SPMAP2L: variants seen among roughly 807,000 people sequenced by gnomAD.
The protein encoded by SPMAP2L is sperm microtubule associated protein 2-like.
chr4:56,583,498 C>T, the SPMAP2L span, among the ~76,000 whole-genome samples: 1 of 151,984 alleles, frequency 6.6e-6, no homozygotes, highest in Non-Finnish European at 1.5e-5. Context: ...AAACAAAACC[C>T]AAACTAATAG....
At chr4:56,613,569 G>A in the SPMAP2L span, among the ~76,000 whole-genome samples, 1 of 152,188 alleles carries the variant, frequency 6.6e-6, no homozygotes, top group Non-Finnish European at 1.5e-5. Context: ...ACCTCAACTA[G>A]CAAACCTCTT....
chr4:56,617,224 G>A, the SPMAP2L span, among the ~76,000 whole-genome samples: 31 of 152,206 alleles, frequency 2.0e-4, no homozygotes, highest in African/African-American at 7.0e-4. Flanking sequence ...TTACTGTACT[G>A]GATACTGTAG....
chr4:56,602,572 G>A, the SPMAP2L span, among the ~76,000 whole-genome samples: 50 of 152,266 alleles, frequency 3.3e-4, no homozygotes, highest in African/African-American at 1.2e-3. Flanking sequence ...GTGCACGTCT[G>A]TAGTCCCAGC....
chr4:56,594,297 C>T, the SPMAP2L span: 9 of 1,544,886 alleles, frequency 5.8e-6, no homozygotes, highest in Non-Finnish European at 8.1e-6. Context: ...AAAGACATTT[C>T]CCTTGTTCAC....
chr4:56,593,927 C>T, the SPMAP2L span: 46 of 1,607,878 alleles, frequency 2.9e-5, no homozygotes, highest in Admixed American at 3.2e-4. Flanking sequence ...AGGTCTCAAG[C>T]GAGCAGGGCA....
the SPMAP2L span, among the ~76,000 whole-genome samples, chr4:56,625,675 G>C: frequency 6.6e-6 from 1 of 152,158 alleles, no homozygotes; most frequent in Non-Finnish European, 1.5e-5. Context: ...TGCCATGTAA[G>C]AAGTGCCTTT....
At chr4:56,602,393 TG>T in the SPMAP2L span, among the ~76,000 whole-genome samples, 2 of 152,200 alleles carry the variant, frequency 1.3e-5, no homozygotes, top group African/African-American at 4.8e-5. Flanking sequence ...GCTCATTCTC[TG>T]TTCATTAAAG....
At chr4:56,576,911 C>T in the SPMAP2L span, among the ~76,000 whole-genome samples, 4,338 of 152,228 alleles carry the variant, frequency 0.028, 205 homozygotes, top group African/African-American at 0.099. Context: ...TTATATTTCC[C>T]TGCTTTTCTA....
chr4:56,571,691 T>TA, the SPMAP2L span, among the ~76,000 whole-genome samples: 4 of 151,928 alleles, frequency 2.6e-5, no homozygotes, highest in African/African-American at 9.7e-5. Flanking sequence ...TAAAAAAAAT[T>TA]AAAAAAATTA....
chr4:56,571,777 G>A, the SPMAP2L span, among the ~76,000 whole-genome samples: 3 of 152,202 alleles, frequency 2.0e-5, no homozygotes, highest in Non-Finnish European at 4.4e-5. Flanking sequence ...GAGCCCAGGA[G>A]TTTGAGGCTG....
chr4:56,562,403 G>A, the SPMAP2L span, among the ~76,000 whole-genome samples: 1 of 149,658 alleles, frequency 6.7e-6, no homozygotes, highest in Admixed American at 6.7e-5. Context: ...GTTTATATGT[G>A]GTTTCTTTCT....
At chr4:56,590,957 T>G in the SPMAP2L span, among the ~76,000 whole-genome samples, 1 of 152,226 alleles carries the variant, frequency 6.6e-6, no homozygotes, top group Admixed American at 6.5e-5. Flanking sequence ...CTGTGTAAAC[T>G]TAAATAAATT....
the SPMAP2L span, among the ~76,000 whole-genome samples, chr4:56,590,521 G>A: frequency 3.3e-5 from 5 of 152,228 alleles, no homozygotes; most frequent in Middle Eastern, 3.4e-3. Flanking sequence ...TTGTAGTATC[G>A]AGGAAGAATA....
At chr4:56,566,181 C>T in the SPMAP2L span, among the ~76,000 whole-genome samples, 2 of 151,890 alleles carry the variant, frequency 1.3e-5, no homozygotes, top group Non-Finnish European at 2.9e-5. Flanking sequence ...CTCTTTGTTG[C>T]CTTCTTATTT....
At chr4:56,584,439 C>A in the SPMAP2L span, 3 of 1,121,500 alleles carry the variant, frequency 2.7e-6, no homozygotes, top group Non-Finnish European at 3.9e-6. Flanking sequence ...AATGGAAAAT[C>A]CAGTTGTTGT....
the SPMAP2L span, chr4:56,531,233 G>A: frequency 6.8e-7 from 1 of 1,469,148 alleles, no homozygotes; most frequent in Middle Eastern, 1.8e-4. Flanking sequence ...CCCACGCGCT[G>A]AGCACCCACG....
chr4:56,555,342 C>T, the SPMAP2L span, among the ~76,000 whole-genome samples: 13 of 152,158 alleles, frequency 8.5e-5, no homozygotes, highest in African/African-American at 3.1e-4. Context: ...TCTCTTCTTT[C>T]ACCAGTACCA....
the SPMAP2L span, among the ~76,000 whole-genome samples, chr4:56,567,386 C>G: frequency 6.7e-6 from 1 of 149,916 alleles, no homozygotes; most frequent in African/African-American, 2.5e-5. Context: ...CCTGCCTCAG[C>G]CTCCCAAGTA....
At chr4:56,538,620 T>G in the SPMAP2L span, among the ~76,000 whole-genome samples, 1 of 152,086 alleles carries the variant, frequency 6.6e-6, no homozygotes, top group Admixed American at 6.5e-5. Context: ...CTGGCCAACA[T>G]GGTGAAACCC....
Sources: gnomAD v4.1 joint callset for allele counts (sites outside exome capture counted in the v4.1 genomes callset) on GRCh38, gnomAD v4.1.1 for gene constraint, MANE v1.5 for transcripts, NCBI Gene and HGNC (gene_info 2026-07-23, HGNC 2026-07-21) for gene names.